SLK: variants seen among roughly 807,000 people sequenced by gnomAD.
SLK encodes STE20-like serine/threonine-protein kinase.
A neutral mutation model predicts 147.7 loss-of-function variants in SLK; 67 were observed. That is an observed-to-expected ratio of 0.45 (90% CI 0.37 to 0.56). The LOEUF (loss-of-function observed/expected upper bound fraction) is 0.56. Among genes scored for constraint, SLK ranks in the 20% least tolerant of loss-of-function variants. SLK has a pLI of 0.00. For missense variants in SLK, 1,136 were observed against 1,438.8 expected (o/e 0.79, Z 3.41); for synonymous variants, 441 against 475.0 (o/e 0.93, Z 0.93).
chr10:104,015,970 C>A (rs796949129), intron 13 of SLK, among the ~76,000 whole-genome samples: 20 of 151,882 alleles, frequency 1.3e-4, no homozygotes, highest in African/African-American at 4.8e-4. Context: ...CAAAAGAAAA[C>A]CCTTTGATAT....
Position 104,003,323 on chromosome 10 carries a change from C to A in SLK, c.2145C>A (p.Ile715=). 1 of 1,613,736 alleles carries A rather than the reference C, an allele frequency of 6.2e-7. No homozygotes were observed. The highest frequency in any genetic ancestry group is 8.5e-7 in the Non-Finnish European group (1 of 1,179,664). ...CTGTTCTAATACCCAGTATTAATAT[C>A]AACTCTGACAGTGGAGAAAATAAAG... The part of the protein sequence containing the change: ...PQPVLIPSIN[I]NSDSGENKEE... The change falls in exon 9 of 19, where the codon ATC becomes ATA. Residue 715 remains isoleucine (I), a synonymous_variant. Transcript: ENST00000369755.
At chr10:104,000,044 T>C in intron 7 of SLK, 96 bp downstream of exon 7, 1 of 552,014 alleles carries the variant, frequency 1.8e-6, no homozygotes. Flanking sequence ...TAAATTTCCC[T>C]GTGGAGAGTC....
intron 9 of SLK, among the ~76,000 whole-genome samples, chr10:104,004,354 A>G (rs1564659156): frequency 6.6e-6 from 1 of 152,118 alleles, no homozygotes; most frequent in East Asian, 1.9e-4. Flanking sequence ...AATAACCACC[A>G]CTCTGAAATT....
At chr10:103,992,792 A>T (rs902866606) in intron 3 of SLK, 146 bp downstream of exon 3, 1 of 702,250 alleles carries the variant, frequency 1.4e-6, no homozygotes, top group Non-Finnish European at 2.3e-6. Flanking sequence ...ATATTCTTGG[A>T]TAATTATAGT....
chr10:103,997,157 C>T lies in SLK; in HGVS notation c.515-1742C>T, dbSNP rs114628715. Among the ~76,000 whole-genome samples, 1,067 of 152,256 alleles carry T rather than the reference C, an allele frequency of 7.0e-3. 14 individuals carry two copies. Among genetic ancestry groups the T allele is most frequent in the African/African-American group, 0.024 (989 of 41,548 alleles). On this transcript the variant is annotated intron_variant, in intron 4 of 18. Transcript: ENST00000369755. Reference sequence around the variant, plus strand: ...TGATTTTGACCACTCTAGGTATATACGTATGTGGAATCATACAACATTTGT... The same window carrying T: ...TGATTTTGACCACTCTAGGTATATATGTATGTGGAATCATACAACATTTGT...
At position 104,002,181 on chromosome 10, in the gene SLK, G is replaced by A; in HGVS notation, c.1003G>A (p.Ala335Thr). 6.3e-7 allele frequency: 1 copy of A among 1,574,936 alleles called. No individual in the cohort carries two copies. Among genetic ancestry groups the A allele is most frequent in the Non-Finnish European group, 8.6e-7 (1 of 1,161,046 alleles). The change falls in exon 9 of 19, where the codon GCA becomes ACA. Residue 335 changes from alanine to threonine, a missense_variant. Coordinates refer to ENST00000369755, the MANE Select transcript of SLK (RefSeq NM_014720.4). The part of the protein sequence containing the change: ...EETENSLPIP[A>T]SKRASSDLSI... ...ATTAAATCTTTTTTAGCCAATACCTGCAAGTAAGCGTGCATCTTCTGACCT... is the reference window on the plus strand; with the variant it reads ...ATTAAATCTTTTTTAGCCAATACCTACAAGTAAGCGTGCATCTTCTGACCT...
rs985285898 is a variant in SLK, at chr10:104,025,792, C to A, written c.*72C>A. ...TTCTGTTCTCATCTTCTGCCACAGT[C>A]TCTCAGATAGCTCATGAAGACAATC... On this transcript the variant is annotated 3_prime_UTR_variant, in exon 19 of 19. Transcript: ENST00000369755. The A allele has an allele frequency of 5.3e-6, 7 of 1,324,776 alleles. No individual in the cohort carries two copies. The African/African-American group carries it at 7.3e-5, about 14-fold the overall frequency. 82.1% of individuals were successfully genotyped at this position (1,324,776 alleles called of 1,614,324 possible). A position where few individuals can be genotyped will look rare whatever the true frequency, so the allele number is the denominator to read the frequency against.
intron 1 of SLK, among the ~76,000 whole-genome samples, chr10:103,973,944 C>A (rs190529979): frequency 2.2e-4 from 33 of 152,230 alleles, no homozygotes; most frequent in Admixed American, 1.5e-3. Context: ...CATTCATTAT[C>A]TTTTGGCTGC....
At chr10:104,022,676 C>T (rs902926373) in intron 18 of SLK, among the ~76,000 whole-genome samples, 3 of 152,054 alleles carry the variant, frequency 2.0e-5, no homozygotes, top group Non-Finnish European at 2.9e-5. Flanking sequence ...GGTGCGATCT[C>T]GGCTCACTGC....
chr10:104,017,201 G>A (rs1589546088), intron 13 of SLK, among the ~76,000 whole-genome samples: 1 of 152,098 alleles, frequency 6.6e-6, no homozygotes, highest in Non-Finnish European at 1.5e-5. Context: ...TAGTGAATCC[G>A]AAACATGTTT....
chr10:104,018,646 A>T (rs1370874190), intron 14 of SLK, 138 bp from the exon 15 acceptor site: 1 of 844,860 alleles, frequency 1.2e-6, no homozygotes, highest in Non-Finnish European at 1.8e-6. Context: ...TTACAGTTGC[A>T]CTTGGACAGC....
At chr10:103,996,335 GTT>G (rs780860379) in intron 4 of SLK, among the ~76,000 whole-genome samples, 4 of 121,934 alleles carry the variant, frequency 3.3e-5, no homozygotes, top group Admixed American at 1.6e-4. Context: ...GATGCTAAAA[GTT>G]TTTTTTTTTT....
chr10:103,976,241 T>A (rs1353657646), intron 1 of SLK, among the ~76,000 whole-genome samples: 1 of 152,150 alleles, frequency 6.6e-6, no homozygotes, highest in Non-Finnish European at 1.5e-5. Flanking sequence ...ATACGATTCA[T>A]GAATATTCTT....
chr10:104,011,561 TC>T (rs1426311184), intron 13 of SLK, among the ~76,000 whole-genome samples: 1 of 141,890 alleles, frequency 7.0e-6, no homozygotes, highest in African/African-American at 2.8e-5. Flanking sequence ...ATGGGTGAAT[TC>T]TTTTTTTTTT....
At position 104,003,410 on chromosome 10, in the gene SLK, G is replaced by A. The variant is rs959231668; in HGVS notation, c.2232G>A (p.Lys744=). Residue 744 remains lysine, a synonymous_variant, in exon 9 of 19, where the codon AAG becomes AAA. Transcript: ENST00000369755. Reference sequence around the variant, plus strand: ...TGCCACCAGAATCTGAGAATCCAAAGGAAAATGATAATGATTCAGGCACTG... The same window carrying A: ...TGCCACCAGAATCTGAGAATCCAAAAGAAAATGATAATGATTCAGGCACTG... The part of the protein sequence containing the change: ...TILPPESENP[K]ENDNDSGTGS... The A allele has an allele frequency of 2.5e-6, 4 of 1,613,946 alleles. No individual in the cohort carries two copies. The highest frequency in any genetic ancestry group is 3.4e-6 in the Non-Finnish European group (4 of 1,179,934).
At position 103,995,869 on chromosome 10, in the gene SLK, A is replaced by G. The variant is rs1164698206; in HGVS notation, c.514+2736A>G. 2.6e-5 allele frequency among the ~76,000 whole-genome samples: 4 copies of G among 152,342 alleles called. No homozygotes were observed. The East Asian group carries it at 7.7e-4, about 29-fold the overall frequency. ...TTCAAAGGACAGAGCTAGAACCCTC[A>G]TGAGTTCATATATATTTCCTATTCA... On this transcript the variant is annotated intron_variant, in intron 4 of 18. Transcript: ENST00000369755.
At chr10:103,983,976 C>G (rs1843979536) in intron 1 of SLK, among the ~76,000 whole-genome samples, 1 of 152,166 alleles carries the variant, frequency 6.6e-6, no homozygotes, top group Admixed American at 6.5e-5. Context: ...TCCCATAGTC[C>G]TAGGGGTGGT....
In SLK at chr10:104,003,414, A is replaced by G. The variant is rs759780288; in HGVS notation, c.2236A>G (p.Asn746Asp). The G allele has an allele frequency of 2.1e-5, 34 of 1,613,930 alleles. No homozygotes were observed. The highest frequency in any genetic ancestry group is 8.8e-5 in the South Asian group (8 of 91,082). ...ACCAGAATCTGAGAATCCAAAGGAA[A>G]ATGATAATGATTCAGGCACTGGTTC... Reference protein sequence around the residue: ...LPPESENPKENDNDSGTGSTA... With the variant: ...LPPESENPKEDDNDSGTGSTA... The change falls in exon 9 of 19, where the codon AAT (asparagine) becomes GAT (aspartate). Residue 746 changes from asparagine (N) to aspartate (D), a missense_variant. Asn to Asp is a conservative substitution (Grantham distance 23). Coordinates refer to ENST00000369755, the MANE Select transcript of SLK (RefSeq NM_014720.4).
intron 1 of SLK, among the ~76,000 whole-genome samples, chr10:103,978,106 G>A (rs908102186): frequency 6.6e-6 from 1 of 151,628 alleles, no homozygotes; most frequent in Non-Finnish European, 1.5e-5. Flanking sequence ...AATCCTTCCT[G>A]AACAATTCTA....
Sources: gnomAD v4.1 joint callset for allele counts (sites outside exome capture counted in the v4.1 genomes callset) on GRCh38, gnomAD v4.1.1 for gene constraint, MANE v1.5 for transcripts, NCBI Gene and HGNC (gene_info 2026-07-23, HGNC 2026-07-21) for gene names.